Variants in CEP112 observed in about 807,000 individuals in gnomAD.
The protein encoded by CEP112 is centrosomal protein 112.
Under a neutral mutation model 153.0 loss-of-function variants are expected in CEP112, and 127 were observed. The observed-to-expected ratio is 0.83, with a 90% CI of 0.72 to 0.96. The LOEUF is 0.96. Ranked by LOEUF, CEP112 falls within the 40% of genes least tolerant of loss-of-function variation. CEP112 has a pLI of 0.00. For missense variants in CEP112, 1,089 were observed against 1,101.2 expected, an observed-to-expected ratio of 0.99 and a Z score of 0.16; for synonymous variants, 358 against 374.4, an observed-to-expected ratio of 0.96 and a Z score of 0.51.
chr17:65,847,990 A>G (rs2057789517), intron 21 of CEP112, among the ~76,000 whole-genome samples: 1 of 152,122 alleles, frequency 6.6e-6, no homozygotes, highest in African/African-American at 2.4e-5. Flanking sequence ...CCGAGGGCTG[A>G]GGTAGGCCTG....
chr17:66,158,850 T>C (rs971046915), intron 4 of CEP112, among the ~76,000 whole-genome samples: 1 of 151,632 alleles, frequency 6.6e-6, no homozygotes, highest in Admixed American at 6.6e-5. Context: ...ATAACTAAGA[T>C]CAGAGCAGAA....
intron 6 of CEP112, among the ~76,000 whole-genome samples, chr17:66,114,188 TAATAA>T (rs1568505325): frequency 6.6e-6 from 1 of 152,202 alleles, no homozygotes; most frequent in African/African-American, 2.4e-5. Flanking sequence ...AGAATCGCAA[TAATAA>T]AATATGTAAT....
chr17:65,995,614 A>G (rs1324953853), intron 17 of CEP112, among the ~76,000 whole-genome samples: 2 of 152,202 alleles, frequency 1.3e-5, no homozygotes, highest in Non-Finnish European at 2.9e-5. Flanking sequence ...CATTCTGGGC[A>G]TTTAGTAGGC....
At chr17:65,839,933 A>G (rs777816485) in intron 21 of CEP112, among the ~76,000 whole-genome samples, 1 of 152,076 alleles carries the variant, frequency 6.6e-6, no homozygotes, top group Non-Finnish European at 1.5e-5. Context: ...CAGCGATAAA[A>G]AAAATCTAGG....
chr17:65,655,041 TTGA>T, intron 24 of CEP112: 1 of 680,432 alleles, frequency 1.5e-6, no homozygotes, highest in Non-Finnish European at 2.8e-6. Context: ...AGTATCACTC[TTGA>T]CACTGGAGAT....
At chr17:66,184,558 T>C (rs1037784418) in intron 1 of CEP112, among the ~76,000 whole-genome samples, 7 of 152,170 alleles carry the variant, frequency 4.6e-5, no homozygotes. Context: ...ATTAAAACTA[T>C]ACTGAGATAC....
At chr17:65,686,344 A>G (rs145191803) in intron 24 of CEP112, among the ~76,000 whole-genome samples, 1 of 152,316 alleles carries the variant, frequency 6.6e-6, no homozygotes, top group African/African-American at 2.4e-5. Context: ...AAAGAAGTCA[A>G]TAAAAAAAGA....
intron 17 of CEP112, among the ~76,000 whole-genome samples, chr17:65,987,841 T>G (rs1416239842): frequency 6.6e-6 from 1 of 152,022 alleles, no homozygotes; most frequent in East Asian, 1.9e-4. Flanking sequence ...GTTTCCACAC[T>G]AGAAAAAGAT....
intron 25 of CEP112, among the ~76,000 whole-genome samples, chr17:65,640,043 G>A (rs2045026245): frequency 6.7e-6 from 1 of 149,128 alleles, no homozygotes; most frequent in South Asian, 2.1e-4. Context: ...TCACCACGTT[G>A]GCCAGGCTGG....
chr17:66,141,868 T>A (rs2070716768), intron 4 of CEP112, among the ~76,000 whole-genome samples: 1 of 152,176 alleles, frequency 6.6e-6, no homozygotes. Context: ...CTTTTTGAGA[T>A]CCTGATTTTT....
intron 4 of CEP112, among the ~76,000 whole-genome samples, chr17:66,145,902 C>A (rs564049568): frequency 5.9e-5 from 9 of 151,836 alleles, no homozygotes; most frequent in African/African-American, 1.4e-4. Context: ...TTTTCTGTAT[C>A]TAGTGAGATG....
intron 21 of CEP112, among the ~76,000 whole-genome samples, chr17:65,841,999 A>G (rs1444908229): frequency 1.3e-5 from 2 of 152,006 alleles, no homozygotes; most frequent in Admixed American, 6.5e-5. Flanking sequence ...AACTTTGATG[A>G]TAGCAAATAA....
intron 21 of CEP112, among the ~76,000 whole-genome samples, chr17:65,775,651 T>C (rs35639392): frequency 0.51 from 77,547 of 151,404 alleles, 21,424 homozygotes; most frequent in Non-Finnish European, 0.63. Context: ...TACAGGCATG[T>C]GCCACCACAC....
intron 21 of CEP112, among the ~76,000 whole-genome samples, chr17:65,842,182 T>C (rs760373062): frequency 1.3e-5 from 2 of 152,080 alleles, no homozygotes; most frequent in Non-Finnish European, 2.9e-5. Context: ...TCTATTAGAA[T>C]ACTAAAAATT....
At chr17:65,658,616 A>C (rs2046183619) in intron 24 of CEP112, among the ~76,000 whole-genome samples, 2 of 152,160 alleles carry the variant, frequency 1.3e-5, no homozygotes, top group East Asian at 3.9e-4. Flanking sequence ...TTCATAAGGA[A>C]ATATGCGAGT....
At chr17:65,782,220 A>G (rs894115988) in intron 21 of CEP112, among the ~76,000 whole-genome samples, 2 of 152,186 alleles carry the variant, frequency 1.3e-5, no homozygotes, top group Non-Finnish European at 2.9e-5. Context: ...AAGACATACA[A>G]GTGGCCAACA....
chr17:65,640,156 T>TA lies in CEP112; in HGVS notation c.2799+807_2799+808insT, dbSNP rs1567796006. ...CCCGACCATATATATATATATATAT[T>TA]TTTTTTTTTTTTTTTTTGAGACAGT... On this transcript the variant is annotated intron_variant, in intron 25 of 26. Coordinates refer to ENST00000535342, the MANE Select transcript of CEP112 (RefSeq NM_001199165.4). 8.0e-4 allele frequency among the ~76,000 whole-genome samples: 26 copies of TA among 32,328 alleles called. No homozygotes were observed. In the South Asian group the frequency reaches 8.2e-3, roughly 10 times the overall value. The allele number at this position is 32,328 out of a possible 152,430, so 21.2% of individuals were successfully genotyped here.
intron 23 of CEP112, among the ~76,000 whole-genome samples, chr17:65,726,719 T>C (rs1470359458): frequency 6.6e-6 from 1 of 152,166 alleles, no homozygotes; most frequent in East Asian, 1.9e-4. Context: ...CATCAAAAGA[T>C]ATAAAATAAA....
chr17:66,086,642 G>A (rs938570378), intron 8 of CEP112, among the ~76,000 whole-genome samples: 12 of 151,424 alleles, frequency 7.9e-5, no homozygotes, highest in African/African-American at 9.7e-5. Flanking sequence ...TCCTGACCTC[G>A]TGATCTGCCC....
Sources: allele counts gnomAD v4.1 joint callset (sites outside exome capture counted in the v4.1 genomes callset), GRCh38; gene constraint gnomAD v4.1.1; transcripts MANE v1.5; gene names NCBI Gene and HGNC (gene_info 2026-07-23, HGNC 2026-07-21).